The following MFN1 variants were observed in gnomAD, a reference collection of about 807,000 sequenced individuals.
MFN1 encodes the protein mitofusin 1, also known as mitofusin-1.
In MFN1, 65 loss-of-function variants were observed where a neutral mutation model predicts 92.4. That is an observed-to-expected ratio of 0.70 (90% CI 0.58 to 0.86). The LOEUF is 0.86. Among genes scored for constraint, MFN1 ranks in the 40% least tolerant of loss-of-function variants. MFN1 has a pLI of 0.00. For missense variants in MFN1, 781 were observed against 868.0 expected (o/e 0.90, Z 1.26); for synonymous variants, 297 against 300.9 (o/e 0.99, Z 0.13).
chr3:179,361,397 C>A, intron 4 of MFN1, among the ~76,000 whole-genome samples: 1 of 152,198 alleles, frequency 6.6e-6, no homozygotes, highest in East Asian at 1.9e-4. Context: ...TGGGCTTCAA[C>A]TGAGCCCGTC....
intron 10 of MFN1, among the ~76,000 whole-genome samples, chr3:179,375,552 G>A (rs1354401885): frequency 6.6e-6 from 1 of 152,094 alleles, no homozygotes; most frequent in Non-Finnish European, 1.5e-5. Flanking sequence ...ATATCCCCTG[G>A]ACCTCACTAT....
intron 5 of MFN1, 93 bp downstream of exon 5, chr3:179,362,575 T>G (rs1232459600): frequency 1.7e-6 from 2 of 1,168,582 alleles, no homozygotes; most frequent in Non-Finnish European, 2.3e-6. Context: ...ATTACAACAT[T>G]CAGTTGCCAT....
At chr3:179,369,534 G>T (rs1174922297) in intron 9 of MFN1, among the ~76,000 whole-genome samples, 1 of 152,008 alleles carries the variant, frequency 6.6e-6, no homozygotes, top group African/African-American at 2.4e-5. Context: ...CTTCCATATT[G>T]GTTCATGGTA....
At chr3:179,361,322 T>C (rs1490790277) in intron 4 of MFN1, among the ~76,000 whole-genome samples, 8 of 152,166 alleles carry the variant, frequency 5.3e-5, no homozygotes, top group Admixed American at 5.2e-4. Context: ...CCTCCTTATT[T>C]TAGATTCAGG....
chr3:179,359,181 C>T (rs1282177611), intron 4 of MFN1, among the ~76,000 whole-genome samples, 179 bp downstream of exon 4: 2 of 151,938 alleles, frequency 1.3e-5, no homozygotes, highest in East Asian at 1.9e-4. Context: ...AGTGCAATGG[C>T]ACAATCTCGG....
In MFN1 at chr3:179,378,327, A is replaced by G. The variant is rs373526329; in HGVS notation, c.1330-14A>G. The G allele has an allele frequency of 1.2e-4, 187 of 1,538,098 alleles. No homozygotes were observed. The highest frequency in any genetic ancestry group is 1.5e-4 in the Non-Finnish European group (174 of 1,131,808). ...TGGAGAAAAAATAATATGGATATTT[A>G]CCATTGTTAACAGGAATTAAATAAG... On this transcript the variant is annotated splice_polypyrimidine_tract_variant and intron_variant, in intron 12 of 17. Transcript: ENST00000471841.
At chr3:179,364,216 A>G (rs1211288478) in intron 5 of MFN1, 81 bp from the exon 6 acceptor site, 1 of 869,532 alleles carries the variant, frequency 1.2e-6, no homozygotes, top group Non-Finnish European at 1.7e-6. Context: ...ACTTCAAATT[A>G]TATATAAAAG....
At position 179,365,040 on chromosome 3, in the gene MFN1, A is replaced by T. The variant is rs971310284; in HGVS notation, c.646-78A>T. 5 of 794,086 alleles carry T rather than the reference A, an allele frequency of 6.3e-6. No individual in the cohort carries two copies. In the East Asian group the frequency reaches 1.5e-4, roughly 24 times the overall value. The allele number at this position is 794,086 out of a possible 1,614,324, so 49.2% of individuals were successfully genotyped here. A position where few individuals can be genotyped will look rare whatever the true frequency, so the allele number is the denominator to read the frequency against. ...GTTAATTACTGTTTAAATGGTTCAG[A>T]CTTTCTCATTAAAATAAAATTTCAA... On this transcript the variant is annotated intron_variant, in intron 6 of 17. Transcript: ENST00000471841.
chr3:179,382,832 A>G (rs7427053), intron 14 of MFN1, among the ~76,000 whole-genome samples: 106,977 of 152,118 alleles, frequency 0.7, 38,017 homozygotes, highest in African/African-American at 0.79. Flanking sequence ...GTGATGATGA[A>G]CATTTTTTCA....
chr3:179,385,584 G>A lies in MFN1; in HGVS notation c.1678G>A (p.Ala560Thr). The change falls in exon 15 of 18, where the codon GCT becomes ACT. Residue 560 changes from alanine (A) to threonine (T), a missense_variant. Coordinates refer to ENST00000471841, the MANE Select transcript of MFN1 (RefSeq NM_033540.3). ...TTTTTGGCAGCTCCCTAGATCTTTAGCTTCTACTCCCACTGCTCCTACCAC... is the reference window on the plus strand; with the variant it reads ...TTTTTGGCAGCTCCCTAGATCTTTAACTTCTACTCCCACTGCTCCTACCAC... ...EPIFQLPRSL[A>T]STPTAPTTPA... 6.3e-7 allele frequency: 1 copy of A among 1,596,776 alleles called. No homozygotes were observed.
At chr3:179,360,317 C>T (rs191170404) in intron 4 of MFN1, among the ~76,000 whole-genome samples, 1 of 152,302 alleles carries the variant, frequency 6.6e-6, no homozygotes, top group Admixed American at 6.5e-5. Context: ...GTTGTGGTTA[C>T]AGACTTGTGC....
intron 16 of MFN1, among the ~76,000 whole-genome samples, chr3:179,387,165 C>G (rs1713716987): frequency 6.6e-6 from 1 of 152,058 alleles, no homozygotes; most frequent in African/African-American, 2.4e-5. Flanking sequence ...TCAAGTAATC[C>G]TCCCTCCTCA....
chr3:179,378,443 G>T lies in MFN1; in HGVS notation c.1432G>T (p.Glu478Ter). The stretch of plus-strand genomic sequence containing the variant: ...GCTTCAGACCCAGCAAGAAATTATT[G>T]GTAATATTTATGTCTACAAGGTCAT... ...LVLQTQQEII[E>*]NLKPLLPAGI... is the part of the protein sequence containing the mutation. The change falls in exon 13 of 18, where the codon GAA (glutamate) becomes TAA (stop). Residue 478 changes from glutamate to a stop codon, truncating the protein, a stop_gained and splice_region_variant. Coordinates refer to ENST00000471841, the MANE Select transcript of MFN1 (RefSeq NM_033540.3). LOFTEE classifies it high-confidence loss of function. 6.3e-7 allele frequency: 1 copy of T among 1,587,654 alleles called. No individual in the cohort carries two copies. The highest frequency in any genetic ancestry group is 1.2e-5 in the South Asian group (1 of 85,644).
intron 17 of MFN1, among the ~76,000 whole-genome samples, chr3:179,391,779 C>T (rs1445625069): frequency 6.6e-6 from 1 of 152,132 alleles, no homozygotes; most frequent in Non-Finnish European, 1.5e-5. Flanking sequence ...ACACTGTGTA[C>T]TTTGTGCATT....
At chr3:179,359,596 CTTTTTTTTTTTT>C in intron 4 of MFN1, 1 of 87,358 alleles carries the variant, frequency 1.1e-5, no homozygotes, top group Admixed American at 1.6e-4. Context: ...AATTTTCGTA[CTTTTTTTTTTTT>C]TTTTTTTTTT....
chr3:179,377,925 T>C (rs1055877432), intron 12 of MFN1, among the ~76,000 whole-genome samples: 5 of 151,708 alleles, frequency 3.3e-5, no homozygotes, highest in African/African-American at 9.7e-5. Context: ...AATTAGCCGG[T>C]GGCAGGCGCC....
chr3:179,367,296 C>G, intron 7 of MFN1, 143 bp from the exon 8 acceptor site: 1 of 600,262 alleles, frequency 1.7e-6, no homozygotes, highest in Non-Finnish European at 2.6e-6. Flanking sequence ...TATCAAACTT[C>G]ATTTATTAGA....
intron 16 of MFN1, among the ~76,000 whole-genome samples, chr3:179,388,007 C>T (rs957068546): frequency 3.9e-5 from 6 of 152,076 alleles, no homozygotes; most frequent in African/African-American, 1.4e-4. Flanking sequence ...GCTGGGATTA[C>T]AGGTGTGAGC....
At position 179,392,296 on chromosome 3, in the gene MFN1, G is replaced by C; in HGVS notation, c.*237G>C. On this transcript the variant is annotated 3_prime_UTR_variant, in exon 18 of 18. Transcript: ENST00000471841. ...GGCTAAAATCATGAATTAGTTACAA[G>C]CAACAGTACCAACTTATGTGACCCC... is the stretch of plus-strand genomic sequence containing the variant. 3.0e-6 allele frequency: 1 copy of C among 330,706 alleles called. No homozygotes were observed. Among genetic ancestry groups the C allele is most frequent in the Non-Finnish European group, 5.5e-6 (1 of 182,534 alleles). The allele number at this position is 330,706 out of a possible 1,614,324, so 20.5% of individuals were successfully genotyped here. A position where few individuals can be genotyped will look rare whatever the true frequency, so the allele number is the denominator to read the frequency against.
Sources: allele counts gnomAD v4.1 joint callset (sites outside exome capture counted in the v4.1 genomes callset), GRCh38; gene constraint gnomAD v4.1.1; transcripts MANE v1.5; gene names NCBI Gene and HGNC (gene_info 2026-07-23, HGNC 2026-07-21).